TMPRSS11A: variants seen among roughly 807,000 people sequenced by gnomAD.
TMPRSS11A encodes the protein transmembrane protease serine 11A.
Under a neutral mutation model 58.9 loss-of-function variants are expected in TMPRSS11A, and 53 were observed. That is an observed-to-expected ratio of 0.90 (90% CI 0.72 to 1.13). The LOEUF (loss-of-function observed/expected upper bound fraction) is 1.13, where lower values mean the gene tolerates loss of function less well. Among genes scored for constraint, TMPRSS11A ranks in the 50% most tolerant of loss-of-function variants. The probability of loss-of-function intolerance (pLI) is 0.00; values close to 1 mark genes in which losing one functional copy is unlikely to be tolerated. For synonymous variants in TMPRSS11A, 167 were observed against 169.8 expected (o/e 0.98, Z 0.13); for missense variants, 493 against 499.3 (o/e 0.99, Z 0.12).
chr4:67,951,035 C>G (rs6832855), intron 1 of TMPRSS11A, among the ~76,000 whole-genome samples: 18,178 of 152,244 alleles, frequency 0.12, 3,438 homozygotes, highest in African/African-American at 0.4. Context: ...ACCCCTGTGG[C>G]ACAGACAGCC....
chr4:67,916,966 T>C (rs1720173222), intron 8 of TMPRSS11A, among the ~76,000 whole-genome samples: 1 of 152,158 alleles, frequency 6.6e-6, no homozygotes, highest in Non-Finnish European at 1.5e-5. Context: ...TAAAATGTAT[T>C]CCAAGTCATG....
At chr4:67,962,733 T>C (rs1373044155) in intron 1 of TMPRSS11A, among the ~76,000 whole-genome samples, 1 of 152,228 alleles carries the variant, frequency 6.6e-6, no homozygotes, top group Non-Finnish European at 1.5e-5. Context: ...AGGAATCTTA[T>C]TTTTTCATAT....
chr4:67,918,913 A>G (rs1227099887), intron 8 of TMPRSS11A, 60 bp downstream of exon 8: 6 of 1,575,064 alleles, frequency 3.8e-6, no homozygotes, highest in Non-Finnish European at 5.2e-6. Context: ...ATTGATGGAG[A>G]TGAAATCACA....
At chr4:67,930,843 A>AC (rs1720598245) in intron 4 of TMPRSS11A, among the ~76,000 whole-genome samples, 1 of 146,198 alleles carries the variant, frequency 6.8e-6, no homozygotes, top group East Asian at 2.0e-4. Context: ...AAAAAAAAAA[A>AC]AACTGTGAAA....
intron 3 of TMPRSS11A, 142 bp from the exon 4 acceptor site, chr4:67,932,202 G>C (rs538913317): frequency 7.9e-4 from 437 of 550,532 alleles, no homozygotes; most frequent in Middle Eastern, 7.2e-3. Flanking sequence ...AGCTTTCACA[G>C]TGCAACAGAA....
intron 1 of TMPRSS11A, among the ~76,000 whole-genome samples, chr4:67,958,200 G>T (rs934826800): frequency 3.3e-5 from 5 of 152,200 alleles, no homozygotes; most frequent in African/African-American, 1.2e-4. Context: ...CTGGGGTGCT[G>T]CCTAATGGAG....
chr4:67,932,437 G>C (rs1261483362), intron 3 of TMPRSS11A, among the ~76,000 whole-genome samples: 1 of 152,150 alleles, frequency 6.6e-6, no homozygotes, highest in African/African-American at 2.4e-5. Context: ...GAGAGGCTTT[G>C]AGTGGTGACA....
chr4:67,922,000 AG>A (rs1720343752), intron 7 of TMPRSS11A, among the ~76,000 whole-genome samples: 1 of 152,252 alleles, frequency 6.6e-6, no homozygotes, highest in Admixed American at 6.5e-5. Flanking sequence ...AGTTATAAAA[AG>A]TCATTTAATC....
chr4:67,950,471 A>G (rs1426474510), intron 1 of TMPRSS11A, among the ~76,000 whole-genome samples: 1 of 152,238 alleles, frequency 6.6e-6, no homozygotes, highest in African/African-American at 2.4e-5. Context: ...CGATTAGGGT[A>G]GGCCCATCAG....
intron 6 of TMPRSS11A, 76 bp from the exon 7 acceptor site, chr4:67,923,002 G>A (rs1324549697): frequency 9.7e-6 from 14 of 1,444,960 alleles, no homozygotes; most frequent in Admixed American, 7.0e-5. Flanking sequence ...TTACTTGCCT[G>A]AAGACATTTT....
intron 6 of TMPRSS11A, 81 bp from the exon 7 acceptor site, chr4:67,923,007 C>T: frequency 7.2e-7 from 1 of 1,385,356 alleles, no homozygotes; most frequent in Non-Finnish European, 1.0e-6. Flanking sequence ...TGCCTGAAGA[C>T]ATTTTCGTAT....
chr4:67,931,446 C>T (rs1181574412), intron 4 of TMPRSS11A, among the ~76,000 whole-genome samples: 1 of 152,072 alleles, frequency 6.6e-6, no homozygotes, highest in Non-Finnish European at 1.5e-5. Flanking sequence ...ACAATTGAAA[C>T]TTCTGAGCAA....
intron 2 of TMPRSS11A, 90 bp from the exon 3 acceptor site, chr4:67,944,727 T>A: frequency 1.9e-6 from 2 of 1,037,698 alleles, no homozygotes; most frequent in Non-Finnish European, 2.8e-6. Context: ...ATCTTGAATA[T>A]GTCCCTGAGC....
chr4:67,924,973 CTTT>C (rs11286541), intron 5 of TMPRSS11A, among the ~76,000 whole-genome samples: 100 of 138,270 alleles, frequency 7.2e-4, no homozygotes, highest in Admixed American at 1.1e-3. Context: ...TCACATAAAT[CTTT>C]TTTTTTTTTT....
chr4:67,935,289 C>G (rs1189147221), intron 3 of TMPRSS11A, among the ~76,000 whole-genome samples: 1 of 152,104 alleles, frequency 6.6e-6, no homozygotes, highest in Non-Finnish European at 1.5e-5. Context: ...CAGGCATGGC[C>G]CTCATTTTCC....
At chr4:67,954,202 T>C (rs1213900897) in intron 1 of TMPRSS11A, among the ~76,000 whole-genome samples, 2 of 152,038 alleles carry the variant, frequency 1.3e-5, no homozygotes, top group African/African-American at 4.8e-5. Flanking sequence ...CTAACCAAAA[T>C]GAAACAGAAA....
intron 5 of TMPRSS11A, among the ~76,000 whole-genome samples, chr4:67,928,010 C>A (rs1251121293): frequency 2.0e-5 from 3 of 152,080 alleles, no homozygotes; most frequent in African/African-American, 7.2e-5. Flanking sequence ...CCTGTGGTGA[C>A]TTAGTGGAGT....
Position 67,958,280 on chromosome 4 carries a change from C to T in TMPRSS11A, c.11+5103G>A, listed in dbSNP as rs183885622. On this transcript the variant is annotated intron_variant, in intron 1 of 9. Coordinates refer to ENST00000508048, the MANE Select transcript of TMPRSS11A (RefSeq NM_001114387.2). ...TTCACCGACAGCTTTCACCATGCAC[C>T]TGGAAAAGCCATAGACACTCAATGC... 4.3e-4 allele frequency among the ~76,000 whole-genome samples: 66 copies of T among 152,306 alleles called. 1 individual carries two copies. The highest frequency in any genetic ancestry group is 4.0e-3 in the Admixed American group (62 of 15,310).
At position 67,956,298 on chromosome 4, in the gene TMPRSS11A, A is replaced by C. The variant is rs557233113; in HGVS notation, c.11+7085T>G. Among the ~76,000 whole-genome samples the C allele has an allele frequency of 2.0e-5, 3 of 152,320 alleles. No individual in the cohort carries two copies. The South Asian group carries it at 6.2e-4, about 32-fold the overall frequency. Reference sequence around the variant, plus strand: ...GAAAAGCAACACAAGTGGCAGAGCTAAGATAAGGGAAGGACTTATCTGTCT... The same window carrying C: ...GAAAAGCAACACAAGTGGCAGAGCTCAGATAAGGGAAGGACTTATCTGTCT... On this transcript the variant is annotated intron_variant, in intron 1 of 9. Coordinates refer to ENST00000508048, the MANE Select transcript of TMPRSS11A (RefSeq NM_001114387.2).
Sources: gnomAD v4.1 joint callset for allele counts (sites outside exome capture counted in the v4.1 genomes callset) on GRCh38, gnomAD v4.1.1 for gene constraint, MANE v1.5 for transcripts, NCBI Gene and HGNC (gene_info 2026-07-23, HGNC 2026-07-21) for gene names.